Variants in ZDHHC3 observed in about 807,000 individuals in gnomAD.
The protein encoded by ZDHHC3 is palmitoyltransferase ZDHHC3.
In ZDHHC3, 9 loss-of-function variants were observed where a neutral mutation model predicts 30.6. The ratio of observed to expected loss-of-function variants is 0.29; its 90% CI spans 0.18 to 0.51. The LOEUF (loss-of-function observed/expected upper bound fraction) is 0.51, where lower values mean the gene tolerates loss of function less well. Ranked by LOEUF, ZDHHC3 falls within the 20% of genes least tolerant of loss-of-function variation. The pLI is 0.97. For synonymous variants in ZDHHC3, 136 were observed against 140.2 expected (o/e 0.97, Z 0.21); for missense variants, 246 against 384.2 (o/e 0.64, Z 3.01).
Position 44,917,793 on chromosome 3 carries a change from G to A in ZDHHC3, c.*8896C>T, listed in dbSNP as rs1700286520. 8.3e-7 allele frequency: 1 copy of A among 1,202,410 alleles called. No homozygotes were observed. The highest frequency in any genetic ancestry group is 1.4e-5 in the South Asian group (1 of 70,518). The allele number at this position is 1,202,410 out of a possible 1,614,324, so 74.5% of individuals were successfully genotyped here. A position where few individuals can be genotyped will look rare whatever the true frequency, so the allele number is the denominator to read the frequency against. The stretch of plus-strand genomic sequence containing the variant: ...AGCGAGTGGCTAAGGGAAGCACTGG[G>A]GGTGCTGGGAGCGCACCATGCCCAT... On this transcript the variant is annotated 3_prime_UTR_variant, in exon 7 of 7. Coordinates refer to ENST00000424952, the MANE Select transcript of ZDHHC3 (RefSeq NM_001135179.2).
intron 3 of ZDHHC3, among the ~76,000 whole-genome samples, chr3:44,935,683 T>C (rs1191159611): frequency 1.3e-5 from 2 of 152,228 alleles, no homozygotes; most frequent in Non-Finnish European, 2.9e-5. Context: ...GTTATTTCTG[T>C]AAGCCAATGA....
chr3:44,919,954 A>C lies in ZDHHC3; in HGVS notation c.*6735T>G, dbSNP rs549117713. On this transcript the variant is annotated 3_prime_UTR_variant, in exon 7 of 7. Coordinates refer to ENST00000424952, the MANE Select transcript of ZDHHC3 (RefSeq NM_001135179.2). ...GAGAAATGCCCAATAATGATGGTTA[A>C]GCAAATGATTCTATAACACTATGCA... is the stretch of plus-strand genomic sequence containing the variant. 2 of 1,045,068 alleles carry C rather than the reference A, an allele frequency of 1.9e-6. No individual in the cohort carries two copies. Among genetic ancestry groups the C allele is most frequent in the South Asian group, 3.3e-5 (1 of 30,340 alleles). 64.7% of individuals were successfully genotyped at this position (1,045,068 alleles called of 1,614,324 possible).
At position 44,925,749 on chromosome 3, in the gene ZDHHC3, TATAAA is replaced by T. The variant is rs1700930312; in HGVS notation, c.*935_*939del. ...CAGAAAGTGAATCCACTTTGAGGTT[TATAAA>T]ATGAGAAGGGGATGATGGTGGGGCT... On this transcript the variant is annotated 3_prime_UTR_variant, in exon 7 of 7. Transcript: ENST00000424952. 1.0e-6 allele frequency: 1 copy of T among 985,744 alleles called. No individual in the cohort carries two copies. Among genetic ancestry groups the T allele is most frequent in the Non-Finnish European group, 1.2e-6 (1 of 829,944 alleles). The allele number at this position is 985,744 out of a possible 1,614,324, so 61.1% of individuals were successfully genotyped here. A position where few individuals can be genotyped will look rare whatever the true frequency, so the allele number is the denominator to read the frequency against.
intron 2 of ZDHHC3, among the ~76,000 whole-genome samples, chr3:44,946,528 G>A (rs569168997): frequency 4.6e-5 from 7 of 152,296 alleles, no homozygotes; most frequent in Non-Finnish European, 7.4e-5. Context: ...GCTGACAAAC[G>A]ATTCTAGTAA....
intron 1 of ZDHHC3, among the ~76,000 whole-genome samples, chr3:44,964,460 T>C (rs549587562): frequency 2.4e-4 from 36 of 152,082 alleles, no homozygotes; most frequent in South Asian, 1.5e-3. Context: ...GATGCAGGCT[T>C]TGTAGGAAAG....
chr3:44,947,460 C>G (rs1703049003), intron 2 of ZDHHC3, among the ~76,000 whole-genome samples: 1 of 152,164 alleles, frequency 6.6e-6, no homozygotes, highest in South Asian at 2.1e-4. Context: ...GCCTTAGTTT[C>G]CTAATCAGTG....
chr3:44,970,790 T>C (rs751695354), intron 1 of ZDHHC3, among the ~76,000 whole-genome samples: 11 of 152,172 alleles, frequency 7.2e-5, no homozygotes, highest in Non-Finnish European at 1.0e-4. Flanking sequence ...ACTAGCAAAA[T>C]ATATCAAGTA....
intron 1 of ZDHHC3, among the ~76,000 whole-genome samples, chr3:44,961,026 A>G (rs939049747): frequency 6.6e-6 from 1 of 152,272 alleles, no homozygotes; most frequent in Non-Finnish European, 1.5e-5. Flanking sequence ...ATTTGCCCAA[A>G]GGAATATCGA....
chr3:44,974,434 CCCACTT>C (rs1705701171), intron 1 of ZDHHC3, among the ~76,000 whole-genome samples: 1 of 152,208 alleles, frequency 6.6e-6, no homozygotes. Flanking sequence ...CTTCTAAAAT[CCCACTT>C]CCAGGGTCTC....
chr3:44,923,465 G>T lies in ZDHHC3; in HGVS notation c.*3224C>A. 1.0e-6 allele frequency: 1 copy of T among 985,394 alleles called. No individual in the cohort carries two copies. Among genetic ancestry groups the T allele is most frequent in the Non-Finnish European group, 1.2e-6 (1 of 829,938 alleles). 61.0% of individuals were successfully genotyped at this position (985,394 alleles called of 1,614,324 possible). ...GGGACGGTGGATTCTAACTATTTAA[G>T]TGGCCTAGCCAGATGAGCAAAAGCT... On this transcript the variant is annotated 3_prime_UTR_variant, in exon 7 of 7. Transcript: ENST00000424952.
At chr3:44,958,904 T>C (rs1390524834) in intron 2 of ZDHHC3, among the ~76,000 whole-genome samples, 2 of 152,214 alleles carry the variant, frequency 1.3e-5, no homozygotes, top group Non-Finnish European at 2.9e-5. Context: ...CATGTACTTA[T>C]AGTATCATTT....
chr3:44,921,927 C>T lies in ZDHHC3; in HGVS notation c.*4762G>A, dbSNP rs1230595482. On this transcript the variant is annotated 3_prime_UTR_variant, in exon 7 of 7. Coordinates refer to ENST00000424952, the MANE Select transcript of ZDHHC3 (RefSeq NM_001135179.2). ...CCCTAGAAGGCTTTTAGCGAACGTCCCTCTGCAGCGCTTGTCCTCACTCCT... is the reference window on the plus strand; with the variant it reads ...CCCTAGAAGGCTTTTAGCGAACGTCTCTCTGCAGCGCTTGTCCTCACTCCT... 2.0e-6 allele frequency: 2 copies of T among 985,406 alleles called. No homozygotes were observed. Among genetic ancestry groups the T allele is most frequent in the Non-Finnish European group, 2.4e-6 (2 of 829,938 alleles). 61.0% of individuals were successfully genotyped at this position (985,406 alleles called of 1,614,324 possible). A position where few individuals can be genotyped will look rare whatever the true frequency, so the allele number is the denominator to read the frequency against.
chr3:44,968,553 G>A lies in ZDHHC3; in HGVS notation c.-25+7380C>T, dbSNP rs1317109481. ...CTACAAAAATCTTAAACAATTAGCCGAGCATGGTAGTGTGTGCTTATAGTC... is the reference window on the plus strand; with the variant it reads ...CTACAAAAATCTTAAACAATTAGCCAAGCATGGTAGTGTGTGCTTATAGTC... On this transcript the variant is annotated intron_variant, in intron 1 of 6. Coordinates refer to ENST00000424952, the MANE Select transcript of ZDHHC3 (RefSeq NM_001135179.2). Among the ~76,000 whole-genome samples the A allele has an allele frequency of 3.3e-5, 5 of 150,902 alleles. No homozygotes were observed. In the East Asian group the frequency reaches 5.8e-4, roughly 17 times the overall value.
intron 3 of ZDHHC3, among the ~76,000 whole-genome samples, chr3:44,934,984 A>C (rs1701827688): frequency 6.6e-6 from 1 of 151,910 alleles, no homozygotes; most frequent in African/African-American, 2.4e-5. Flanking sequence ...TATTGGGATA[A>C]TTTTTGGGCT....
intron 1 of ZDHHC3, among the ~76,000 whole-genome samples, chr3:44,961,513 C>G (rs1167477737): frequency 1.3e-5 from 2 of 152,200 alleles, no homozygotes; most frequent in African/African-American, 4.8e-5. Context: ...CAATGTAGTC[C>G]TGCCAGAGAC....
At chr3:44,953,615 C>T (rs1703664839) in intron 2 of ZDHHC3, among the ~76,000 whole-genome samples, 1 of 152,218 alleles carries the variant, frequency 6.6e-6, no homozygotes, top group African/African-American at 2.4e-5. Flanking sequence ...ACTCCAACAG[C>T]TCTCCCAGGA....
rs763010870 is a variant in ZDHHC3, at chr3:44,945,233, A to G, written c.366T>C (p.Pro122=). The G allele has an allele frequency of 2.5e-6, 4 of 1,614,258 alleles. No individual in the cohort carries two copies. The East Asian group carries it at 8.9e-5, about 36-fold the overall frequency. ...KEFIESLQLK[P]GQVVYKCPKC... Reference sequence around the variant, plus strand: ...TGGGGCACTTGTACACCACCTGCCCAGGCTTCAACTGTAAACTCTCGATGA... The same window carrying G: ...TGGGGCACTTGTACACCACCTGCCCGGGCTTCAACTGTAAACTCTCGATGA... Residue 122 remains proline (P), a synonymous_variant, in exon 3 of 7, where the codon CCT becomes CCC. Transcript: ENST00000424952.
intron 3 of ZDHHC3, 116 bp from the exon 4 acceptor site, chr3:44,934,100 C>T: frequency 9.9e-7 from 1 of 1,008,196 alleles, no homozygotes; most frequent in Non-Finnish European, 1.6e-6. Flanking sequence ...TCCTTGGGCA[C>T]TGCCAGGGGT....
Position 44,929,401 on chromosome 3 carries a change from G to T in ZDHHC3, c.646C>A (p.Leu216Ile), listed in dbSNP as rs1450943656. 2 of 1,614,116 alleles carry T rather than the reference G, an allele frequency of 1.2e-6. No individual in the cohort carries two copies. Among genetic ancestry groups the T allele is most frequent in the Non-Finnish European group, 1.7e-6 (2 of 1,179,974 alleles). Residue 216 changes from leucine to isoleucine, a missense_variant, in exon 6 of 7, where the codon CTC (leucine) becomes ATC (isoleucine). Transcript: ENST00000424952. ...SSFSPPTTVI[L>I]LILLCFEGLL... ...CCCTCAAAGCACAGCAGGATAAGGA[G>T]AATCACTGTGGTGGGTGGAGAGAAG...
Sources: gnomAD v4.1 joint callset for allele counts (sites outside exome capture counted in the v4.1 genomes callset) on GRCh38, gnomAD v4.1.1 for gene constraint, MANE v1.5 for transcripts, NCBI Gene and HGNC (gene_info 2026-07-23, HGNC 2026-07-21) for gene names.